The following AK8 variants were observed in gnomAD, a reference collection of about 807,000 sequenced individuals.
The protein encoded by AK8 is ATP-AMP transphosphorylase 8.
In AK8, 44 loss-of-function variants were observed where a neutral mutation model predicts 54.6. The observed-to-expected ratio is 0.81, with a 90% CI of 0.63 to 1.04. The LOEUF is 1.04. AK8 is among the 50% of genes least tolerant of loss of function. AK8 has a pLI of 0.00. For synonymous variants in AK8, 239 were observed against 245.6 expected, an observed-to-expected ratio of 0.97 and a Z score of 0.25; for missense variants, 555 against 613.6, an observed-to-expected ratio of 0.90 and a Z score of 1.01.
chr9:132,795,904 C>T (rs1468375574), intron 10 of AK8, among the ~76,000 whole-genome samples: 1 of 152,204 alleles, frequency 6.6e-6, no homozygotes, highest in Admixed American at 6.5e-5. Flanking sequence ...TCCAGGCCCA[C>T]TAAGGCCTCC....
In AK8 at chr9:132,799,005, T is replaced by C. The variant is rs150804491; in HGVS notation, c.980-6230A>G. The stretch of plus-strand genomic sequence containing the variant: ...AGTCCCGACACCCATGAGATGCAAC[T>C]GGGCAGCACTGACTCCTCCCGGGCT... On this transcript the variant is annotated intron_variant, in intron 10 of 12. Transcript: ENST00000298545. The surrounding 1 kb of genome is among the most constrained non-coding windows in gnomAD (Gnocchi z 5.0). 9.5e-4 allele frequency among the ~76,000 whole-genome samples: 144 copies of C among 152,274 alleles called. No individual in the cohort carries two copies. The highest frequency in any genetic ancestry group is 3.1e-3 in the African/African-American group (127 of 41,570).
intron 5 of AK8, among the ~76,000 whole-genome samples, chr9:132,850,022 C>T (rs1842908131): frequency 6.6e-6 from 1 of 151,262 alleles, no homozygotes; most frequent in Non-Finnish European, 1.5e-5. Context: ...GCTGGGATTA[C>T]AGGCATTAGC....
chr9:132,828,117 A>G (rs908959981), intron 6 of AK8, 33 bp from the exon 7 acceptor site: 65 of 1,552,318 alleles, frequency 4.2e-5, no homozygotes, highest in Non-Finnish European at 5.3e-5. Context: ...AAAACCAGGC[A>G]TGTCGGGCAG....
chr9:132,767,521 G>A (rs1838775003), intron 11 of AK8, among the ~76,000 whole-genome samples: 2 of 152,164 alleles, frequency 1.3e-5, no homozygotes, highest in South Asian at 4.1e-4. Context: ...CTGTAAATTA[G>A]TGCAGCTACT....
At chr9:132,857,844 G>A (rs1240394625) in intron 4 of AK8, among the ~76,000 whole-genome samples, 1 of 152,206 alleles carries the variant, frequency 6.6e-6, no homozygotes, top group Non-Finnish European at 1.5e-5. Flanking sequence ...AGCGCCCCCC[G>A]CTGCTCCCCG....
At chr9:132,800,083 T>C (rs1232503709) in intron 10 of AK8, among the ~76,000 whole-genome samples, 1 of 152,204 alleles carries the variant, frequency 6.6e-6, no homozygotes, top group Non-Finnish European at 1.5e-5. Context: ...CGCCAGGGGC[T>C]CTACTCTAGG....
chr9:132,812,472 G>A (rs1406770136), intron 10 of AK8, among the ~76,000 whole-genome samples: 2 of 15,904 alleles, frequency 1.3e-4, no homozygotes, highest in Non-Finnish European at 3.1e-4. Flanking sequence ...TTCTTGAGCT[G>A]AAAACATCCA....
chr9:132,729,038 C>T (rs551124569), intron 11 of AK8, among the ~76,000 whole-genome samples: 33 of 152,150 alleles, frequency 2.2e-4, no homozygotes, highest in Non-Finnish European at 4.4e-4. Flanking sequence ...GTGCACCACC[C>T]CACCCAGATA....
rs905778989 is a variant in AK8 at position 132,869,044 on chromosome 9, G to T, written c.170-2091C>A. 3.3e-5 allele frequency among the ~76,000 whole-genome samples: 5 copies of T among 152,242 alleles called. 1 individual carries two copies. Among genetic ancestry groups the T allele is most frequent in the East Asian group, 1.9e-4 (1 of 5,168 alleles). The stretch of plus-strand genomic sequence containing the variant: ...AAATACAAAAAATTAGACAGGCGTG[G>T]TGGCACACAACTGTAATCCCAGCTA... On this transcript the variant is annotated intron_variant, in intron 2 of 12. Transcript: ENST00000298545.
chr9:132,776,312 C>T (rs1389115525), intron 11 of AK8, among the ~76,000 whole-genome samples: 1 of 152,220 alleles, frequency 6.6e-6, no homozygotes, highest in Non-Finnish European at 1.5e-5. Flanking sequence ...GACCCAGCCA[C>T]CGCCTCCCTT....
At chr9:132,821,787 A>G (rs1483023655) in intron 9 of AK8, among the ~76,000 whole-genome samples, 1 of 138,270 alleles carries the variant, frequency 7.2e-6, no homozygotes, top group Non-Finnish European at 1.6e-5. Context: ...GTATGTATAT[A>G]CAAATATATA....
intron 6 of AK8, 93 bp from the exon 7 acceptor site, chr9:132,828,177 T>C (rs1474181410): frequency 4.0e-5 from 49 of 1,220,840 alleles, no homozygotes; most frequent in Non-Finnish European, 5.5e-5. Context: ...TTTACGTTTT[T>C]TGCTTTTCTG....
chr9:132,819,759 T>C (rs1324179382), intron 9 of AK8, among the ~76,000 whole-genome samples: 1 of 152,174 alleles, frequency 6.6e-6, no homozygotes, highest in Non-Finnish European at 1.5e-5. Context: ...ATAGACCATA[T>C]ATGCAAATTT....
intron 5 of AK8, among the ~76,000 whole-genome samples, chr9:132,835,535 G>T (rs1842290438): frequency 6.6e-6 from 1 of 152,214 alleles, no homozygotes; most frequent in Non-Finnish European, 1.5e-5. Flanking sequence ...TCAGTTTCTT[G>T]TAACGGCGGA....
At chr9:132,852,551 A>T (rs1843005261) in intron 5 of AK8, among the ~76,000 whole-genome samples, 1 of 151,634 alleles carries the variant, frequency 6.6e-6, no homozygotes, top group South Asian at 2.1e-4. Flanking sequence ...CGGAGGTTGC[A>T]GTGAGCTGAG....
chr9:132,770,304 AC>A lies in AK8; in HGVS notation c.1121+22329del. 1 of 152,042 alleles carries A rather than the reference AC, an allele frequency of 6.6e-6. No individual in the cohort carries two copies. Among genetic ancestry groups the A allele is most frequent in the Non-Finnish European group, 1.5e-5 (1 of 67,898 alleles). The allele number at this position is 152,042 out of a possible 1,614,324, so 9.4% of individuals were successfully genotyped here. On this transcript the variant is annotated intron_variant, in intron 11 of 12. Coordinates refer to ENST00000298545, the MANE Select transcript of AK8 (RefSeq NM_152572.3). This position sits in a 1 kb window ranked among gnomAD's most constrained non-coding sequence, Gnocchi z 4.3. The stretch of plus-strand genomic sequence containing the variant: ...GAGGCCCAGCCCCGCGCCAAGGGCC[AC>A]CCCTCGGCGCGCTCAGCTTCCCTGG...
chr9:132,780,733 G>T (rs1839427594), intron 11 of AK8, among the ~76,000 whole-genome samples: 1 of 152,160 alleles, frequency 6.6e-6, no homozygotes, highest in East Asian at 1.9e-4. Flanking sequence ...TTTCCTGAGA[G>T]TCCTAAAATG....
At chr9:132,861,915 A>G (rs2131406538) in intron 4 of AK8, among the ~76,000 whole-genome samples, 1 of 152,340 alleles carries the variant, frequency 6.6e-6, no homozygotes, top group Non-Finnish European at 1.5e-5. Flanking sequence ...TTTCTGAGCC[A>G]AGGACCCCAA....
intron 11 of AK8, among the ~76,000 whole-genome samples, chr9:132,728,137 C>G (rs777771172): frequency 3.9e-5 from 6 of 152,196 alleles, no homozygotes; most frequent in Non-Finnish European, 1.5e-5. Context: ...TCACCCCAGA[C>G]GAGGGTGGGC....
Sources: gnomAD v4.1 joint callset for allele counts (sites outside exome capture counted in the v4.1 genomes callset) on GRCh38, gnomAD v4.1.1 for gene constraint, Gnocchi (gnomAD v3.1) non-coding constraint, MANE v1.5 for transcripts, NCBI Gene and HGNC (gene_info 2026-07-23, HGNC 2026-07-21) for gene names.